The following CSMD2 variants were observed in gnomAD, a reference collection of about 807,000 sequenced individuals.
The protein encoded by CSMD2 is CUB and sushi domain-containing protein 2.
In CSMD2, 130 loss-of-function variants were observed where a neutral mutation model predicts 398.5. The ratio of observed to expected loss-of-function variants is 0.33; its 90% confidence interval spans 0.28 to 0.38. CSMD2 has a LOEUF of 0.38. Ranked by LOEUF, CSMD2 falls within the 10% of genes least tolerant of loss-of-function variation. The probability of loss-of-function intolerance (pLI) is 1.00; values close to 1 mark genes in which losing one functional copy is unlikely to be tolerated. For missense variants in CSMD2, 3,829 were observed against 4,764.9 expected, an observed-to-expected ratio of 0.80 and a Z score of 5.78; for synonymous variants, 1,828 against 1,908.5, an observed-to-expected ratio of 0.96 and a Z score of 1.10.
chr1:34,160,674 A>C (rs907945058), intron 1 of CSMD2, among the ~76,000 whole-genome samples: 9 of 152,214 alleles, frequency 5.9e-5, no homozygotes, highest in Admixed American at 2.0e-4. Flanking sequence ...TACCAAGAGA[A>C]ATAAAGCACC....
chr1:33,786,881 C>T (rs565607796), intron 12 of CSMD2, among the ~76,000 whole-genome samples: 1 of 152,314 alleles, frequency 6.6e-6, no homozygotes, highest in African/African-American at 2.4e-5. Flanking sequence ...GGGCTAGCCT[C>T]CTGTTATGGG....
At chr1:33,830,601 C>T (rs867503820) in intron 6 of CSMD2, among the ~76,000 whole-genome samples, 10 of 152,068 alleles carry the variant, frequency 6.6e-5, no homozygotes, top group East Asian at 1.9e-4. Context: ...AAAAGCAGAG[C>T]GCCTCTCCTC....
At chr1:34,121,675 TCA>T (rs1198269209) in intron 1 of CSMD2, among the ~76,000 whole-genome samples, 2 of 152,150 alleles carry the variant, frequency 1.3e-5, no homozygotes, top group Admixed American at 6.5e-5. Flanking sequence ...CTTTGTAAAA[TCA>T]CAGTGTCCCA....
At chr1:34,039,051 C>G (rs946163686) in intron 2 of CSMD2, among the ~76,000 whole-genome samples, 1 of 152,184 alleles carries the variant, frequency 6.6e-6, no homozygotes, top group Non-Finnish European at 1.5e-5. Flanking sequence ...TCACGAGTGT[C>G]TCAACGTTAC....
At chr1:33,891,819 T>C (rs1159127647) in intron 5 of CSMD2, among the ~76,000 whole-genome samples, 5 of 146,066 alleles carry the variant, frequency 3.4e-5, no homozygotes. Flanking sequence ...AAACACTGCA[T>C]GTTCTCACTC....
chr1:34,110,459 T>C (rs1412050357), intron 1 of CSMD2, among the ~76,000 whole-genome samples: 1 of 151,946 alleles, frequency 6.6e-6, no homozygotes, highest in Non-Finnish European at 1.5e-5. Context: ...CCATCGATAG[T>C]AGGCTGGATA....
At position 33,633,367 on chromosome 1, in the gene CSMD2, C is replaced by A; in HGVS notation, c.5200+55G>T. 7.4e-7 allele frequency: 1 copy of A among 1,344,838 alleles called. No individual in the cohort carries two copies. The highest frequency in any genetic ancestry group is 1.0e-6 in the Non-Finnish European group (1 of 960,260). The allele number at this position is 1,344,838 out of a possible 1,614,324, so 83.3% of individuals were successfully genotyped here. ...GCTTCTAGAGCCTCCTTCCTTTAGC[C>A]GGACGTGATGCCCCCGGCCCACAAC... On this transcript the variant is annotated intron_variant, in intron 32 of 70. Transcript: ENST00000373381. The surrounding 1 kb of genome is among the most constrained non-coding windows in gnomAD (Gnocchi z 5.0).
intron 5 of CSMD2, among the ~76,000 whole-genome samples, chr1:33,882,541 G>C (rs559027843): frequency 3.9e-5 from 6 of 152,308 alleles, no homozygotes; most frequent in African/African-American, 1.4e-4. Context: ...TTAGTGATAA[G>C]GGCACATGTG....
chr1:33,707,544 G>A (rs1645827794), intron 22 of CSMD2, among the ~76,000 whole-genome samples: 1 of 152,208 alleles, frequency 6.6e-6, no homozygotes, highest in South Asian at 2.1e-4. Flanking sequence ...GGAAAGCAGA[G>A]CTTAAGAAGC....
At chr1:34,054,177 C>A (rs1653549898) in intron 2 of CSMD2, among the ~76,000 whole-genome samples, 3 of 151,316 alleles carry the variant, frequency 2.0e-5, no homozygotes, top group Non-Finnish European at 4.4e-5. Flanking sequence ...TGTTTTTCCA[C>A]AAATGTCCTT....
chr1:33,843,443 T>A (rs1403740886), intron 6 of CSMD2, among the ~76,000 whole-genome samples: 2 of 152,226 alleles, frequency 1.3e-5, no homozygotes, highest in Non-Finnish European at 2.9e-5. Context: ...TCTCTGTCAA[T>A]ACCATTAGAA....
intron 3 of CSMD2, among the ~76,000 whole-genome samples, chr1:33,948,005 C>T (rs1350488832): frequency 6.6e-6 from 1 of 152,200 alleles, no homozygotes; most frequent in African/African-American, 2.4e-5. Context: ...TTCTTAGCTG[C>T]TGTAGAAGTG....
chr1:33,895,273 A>G (rs1189634524), intron 5 of CSMD2, among the ~76,000 whole-genome samples: 1 of 152,196 alleles, frequency 6.6e-6, no homozygotes, highest in African/African-American at 2.4e-5. Flanking sequence ...TTGAATCCAC[A>G]TCTGACCTTA....
intron 28 of CSMD2, among the ~76,000 whole-genome samples, chr1:33,649,303 A>G (rs1411851010): frequency 6.6e-6 from 1 of 152,238 alleles, no homozygotes; most frequent in Non-Finnish European, 1.5e-5. Context: ...CTCAGAAACC[A>G]TGACTTTAAG....
In CSMD2 at chr1:33,635,916, A is replaced by C. The variant is rs1557656462; in HGVS notation, c.4969+444T>G. On this transcript the variant is annotated intron_variant, in intron 30 of 70. Coordinates refer to ENST00000373381, the MANE Select transcript of CSMD2 (RefSeq NM_001281956.2). This position sits in a 1 kb window ranked among gnomAD's most constrained non-coding sequence, Gnocchi z 5.0. ...CCAAGCTCTTAAAGCCCTGATACTC[A>C]TTCCTATCTCTCTTGTCAGGACCCC... Among the ~76,000 whole-genome samples the C allele has an allele frequency of 2.6e-5, 4 of 152,170 alleles. No homozygotes were observed. The South Asian group carries it at 8.3e-4, about 32-fold the overall frequency.
intron 1 of CSMD2, among the ~76,000 whole-genome samples, chr1:34,160,353 A>C (rs762902351): frequency 1.3e-5 from 2 of 152,236 alleles, no homozygotes; most frequent in African/African-American, 2.4e-5. Flanking sequence ...CTGGTGACTG[A>C]GTAGTGAAAC....
chr1:33,535,729 G>T (rs1281725599), intron 62 of CSMD2, among the ~76,000 whole-genome samples: 1 of 152,142 alleles, frequency 6.6e-6, no homozygotes, highest in Non-Finnish European at 1.5e-5. Context: ...CTTGCTAGCT[G>T]GCCTACTTTC....
chr1:33,987,174 C>T (rs1646388307), intron 3 of CSMD2, among the ~76,000 whole-genome samples: 1 of 152,120 alleles, frequency 6.6e-6, no homozygotes, highest in Admixed American at 6.5e-5. Context: ...CATTCAAGTC[C>T]TTGTTCTTCC....
chr1:33,527,105 C>T (rs1654843956), intron 65 of CSMD2, 91 bp downstream of exon 65: 1 of 1,157,158 alleles, frequency 8.6e-7, no homozygotes, highest in Non-Finnish European at 1.3e-6. Flanking sequence ...CCTCTAGGCA[C>T]TCAGCAACTC....
Sources: allele counts gnomAD v4.1 joint callset (sites outside exome capture counted in the v4.1 genomes callset), GRCh38; gene constraint gnomAD v4.1.1; non-coding constraint Gnocchi (gnomAD v3.1); transcripts MANE v1.5; gene names NCBI Gene and HGNC (gene_info 2026-07-23, HGNC 2026-07-21).